CDH10: variants seen among roughly 807,000 people sequenced by gnomAD.
CDH10 encodes cadherin-10.
CDH10 carries 30 observed loss-of-function variants against 73.1 expected under a neutral mutation model. The ratio of observed to expected loss-of-function variants is 0.41; its 90% confidence interval spans 0.31 to 0.56. The LOEUF (loss-of-function observed/expected upper bound fraction) is 0.56, where lower values mean the gene tolerates loss of function less well. Ranked by LOEUF, CDH10 falls within the 20% of genes least tolerant of loss-of-function variation. The pLI, the probability that CDH10 is intolerant of heterozygous loss-of-function variation, is 0.27. For missense variants in CDH10, 815 were observed against 973.7 expected (o/e 0.84, Z 2.17); for synonymous variants, 345 against 348.2 (o/e 0.99, Z 0.10).
intron 2 of CDH10, among the ~76,000 whole-genome samples, chr5:24,569,586 C>A (rs1258120527): frequency 6.6e-6 from 1 of 152,014 alleles, no homozygotes; most frequent in African/African-American, 2.4e-5. Context: ...TCAGTAATTT[C>A]CAAAATAATC....
At chr5:24,627,505 C>T (rs1169595151) in intron 1 of CDH10, among the ~76,000 whole-genome samples, 4 of 152,020 alleles carry the variant, frequency 2.6e-5, no homozygotes, top group African/African-American at 9.7e-5. Flanking sequence ...CATGCAATAG[C>T]GGTTACGAAT....
intron 2 of CDH10, among the ~76,000 whole-genome samples, chr5:24,584,497 A>AGT (rs1745919713): frequency 8.3e-6 from 1 of 120,006 alleles, no homozygotes; most frequent in Non-Finnish European, 1.6e-5. Flanking sequence ...AGAGAGAGAG[A>AGT]GTCTTGCTCT....
Position 24,537,430 on chromosome 5 carries a change from G to C in CDH10, c.476C>G (p.Thr159Arg), listed in dbSNP as rs139913021. 2 of 1,612,268 alleles carry C rather than the reference G, an allele frequency of 1.2e-6. No homozygotes were observed. The highest frequency in any genetic ancestry group is 2.7e-5 in the African/African-American group (2 of 74,784). The change falls in exon 3 of 12, where the codon ACG (threonine) becomes AGG (arginine). Residue 159 changes from threonine to arginine, a missense_variant. Physicochemically the swap from Thr to Arg is moderately conservative, Grantham distance 71. Transcript: ENST00000264463. ...AGCTGTATAGATTTCTTCTGGGAAC[G>C]TTGGCTCATTGTCATTGATATCATG... ...KIHDINDNEP[T>R]FPEEIYTASV...
chr5:24,643,187 G>C (rs918245690), intron 1 of CDH10, among the ~76,000 whole-genome samples: 7 of 151,948 alleles, frequency 4.6e-5, no homozygotes, highest in Non-Finnish European at 1.0e-4. Context: ...TCGGGGGAGC[G>C]GGGTGCAGAT....
rs13360420 is a variant in CDH10, at chr5:24,584,759, G to A, written c.231+8501C>T. On this transcript the variant is annotated intron_variant, in intron 2 of 11. Coordinates refer to ENST00000264463, the MANE Select transcript of CDH10 (RefSeq NM_006727.5). The stretch of plus-strand genomic sequence containing the variant: ...GCTGGGATTACAGGTGTGAGCTACC[G>A]TGCCCGACCTCACATCCCTTTTTAC... Among the ~76,000 whole-genome samples, 620 of 151,914 alleles carry A rather than the reference G, an allele frequency of 4.1e-3. 1 individual carries two copies. Among genetic ancestry groups the A allele is most frequent in the African/African-American group, 0.014 (590 of 41,448 alleles).
At chr5:24,595,435 G>A (rs564580494) in intron 1 of CDH10, among the ~76,000 whole-genome samples, 1 of 152,030 alleles carries the variant, frequency 6.6e-6, no homozygotes, top group African/African-American at 2.4e-5. Context: ...CACAATGCCT[G>A]AAGACGTACA....
chr5:24,531,168 T>C (rs958792830), intron 5 of CDH10, among the ~76,000 whole-genome samples: 6 of 152,028 alleles, frequency 3.9e-5, no homozygotes, highest in African/African-American at 7.2e-5. Context: ...TCAGGTGAAA[T>C]ATCACCTTTT....
At chr5:24,605,954 AG>A (rs1399604501) in intron 1 of CDH10, among the ~76,000 whole-genome samples, 3 of 152,220 alleles carry the variant, frequency 2.0e-5, no homozygotes. Context: ...TATGCTAAAT[AG>A]AATAAGCCAG....
At chr5:24,511,820 C>A (rs919398977) in intron 5 of CDH10, among the ~76,000 whole-genome samples, 2 of 152,114 alleles carry the variant, frequency 1.3e-5, no homozygotes, top group Non-Finnish European at 2.9e-5. Flanking sequence ...GAAACGAGTT[C>A]ATATCTCTCG....
At chr5:24,562,801 T>C (rs1379333883) in intron 2 of CDH10, among the ~76,000 whole-genome samples, 2 of 144,628 alleles carry the variant, frequency 1.4e-5, no homozygotes, top group Non-Finnish European at 3.1e-5. Context: ...TAATTGGAGA[T>C]GGAAAAAAAT....
At chr5:24,628,440 G>A (rs1747583162) in intron 1 of CDH10, among the ~76,000 whole-genome samples, 4 of 152,032 alleles carry the variant, frequency 2.6e-5, no homozygotes, top group Admixed American at 6.6e-5. Context: ...GCACATATGA[G>A]AAAAATGCTA....
chr5:24,533,456 A>G (rs2174532), intron 5 of CDH10, among the ~76,000 whole-genome samples: 130,450 of 152,034 alleles, frequency 0.86, 57,445 homozygotes, highest in Non-Finnish European at 0.95. Flanking sequence ...TTTACTTATT[A>G]AATGTGTCAT....
chr5:24,566,046 TTTTTG>T (rs894648488), intron 2 of CDH10, among the ~76,000 whole-genome samples: 5 of 152,062 alleles, frequency 3.3e-5, no homozygotes, highest in Non-Finnish European at 5.9e-5. Context: ...ACATCATAGT[TTTTTG>T]TTTTGTTTTG....
At chr5:24,501,095 C>T (rs1742478108) in intron 8 of CDH10, among the ~76,000 whole-genome samples, 2 of 152,090 alleles carry the variant, frequency 1.3e-5, no homozygotes, top group Non-Finnish European at 2.9e-5. Flanking sequence ...GGAATGTGCT[C>T]TTTAACCTAA....
chr5:24,619,473 G>A (rs1291508565), intron 1 of CDH10, among the ~76,000 whole-genome samples: 5 of 152,234 alleles, frequency 3.3e-5, no homozygotes, highest in African/African-American at 7.2e-5. Context: ...GATTACAGGC[G>A]TGAGCCACCG....
At chr5:24,635,476 T>C in intron 1 of CDH10, among the ~76,000 whole-genome samples, 1 of 152,060 alleles carries the variant, frequency 6.6e-6, no homozygotes, top group East Asian at 1.9e-4. Context: ...TCAAAATTCG[T>C]ATCCATCAAT....
At chr5:24,531,867 C>A (rs1319587175) in intron 5 of CDH10, among the ~76,000 whole-genome samples, 1 of 152,056 alleles carries the variant, frequency 6.6e-6, no homozygotes, top group Non-Finnish European at 1.5e-5. Flanking sequence ...CATATGACAT[C>A]AAAATTTCTC....
chr5:24,633,299 T>C (rs1747762649), intron 1 of CDH10, among the ~76,000 whole-genome samples: 1 of 151,894 alleles, frequency 6.6e-6, no homozygotes, highest in Admixed American at 6.6e-5. Context: ...AGTACATTAC[T>C]ACTTTATAAA....
intron 2 of CDH10, among the ~76,000 whole-genome samples, chr5:24,580,304 A>C (rs1745752474): frequency 6.6e-6 from 1 of 152,142 alleles, no homozygotes; most frequent in African/African-American, 2.4e-5. Context: ...TTTCCCTGTT[A>C]AATACCTTTT....
Sources: allele counts gnomAD v4.1 joint callset (sites outside exome capture counted in the v4.1 genomes callset), GRCh38; gene constraint gnomAD v4.1.1; transcripts MANE v1.5; gene names NCBI Gene and HGNC (gene_info 2026-07-23, HGNC 2026-07-21).